Variants in FCHSD2 observed in about 807,000 individuals in gnomAD.
FCHSD2 encodes FCH and double SH3 domains 2.
Under a neutral mutation model 108.1 loss-of-function variants are expected in FCHSD2, and 38 were observed. The observed-to-expected ratio is 0.35, with a 90% CI of 0.27 to 0.46. FCHSD2 has a LOEUF of 0.46. Among genes scored for constraint, FCHSD2 ranks in the 20% least tolerant of loss-of-function variants. FCHSD2 has a pLI of 1.00. For missense variants in FCHSD2, 751 were observed against 897.8 expected, an observed-to-expected ratio of 0.84 and a Z score of 2.09; for synonymous variants, 279 against 314.7, an observed-to-expected ratio of 0.89 and a Z score of 1.20.
rs910623515 is a variant in FCHSD2 at position 73,142,010 on chromosome 11, G to T, written c.-133C>A. 3.5e-6 allele frequency: 3 copies of T among 851,438 alleles called. No individual in the cohort carries two copies. Among genetic ancestry groups the T allele is most frequent in the East Asian group, 2.9e-5 (1 of 35,046 alleles). The allele number at this position is 851,438 out of a possible 1,614,324, so 52.7% of individuals were successfully genotyped here. A position where few individuals can be genotyped will look rare whatever the true frequency, so the allele number is the denominator to read the frequency against. On this transcript the variant is annotated 5_prime_UTR_variant, in exon 1 of 20. Transcript: ENST00000409418. ...AAGGAGCGCTTAAGAAGCAAGACTT[G>T]CCCCGGAGGGAGCAGGCCAGCGGGC...
At position 72,863,517 on chromosome 11, in the gene FCHSD2, T is replaced by C. The variant is rs1016402924; in HGVS notation, c.1308+4348A>G. Among the ~76,000 whole-genome samples the C allele has an allele frequency of 5.9e-5, 9 of 152,140 alleles. No homozygotes were observed. In the East Asian group the frequency reaches 1.7e-3, roughly 29 times the overall value. On this transcript the variant is annotated intron_variant, in intron 13 of 19. Coordinates refer to ENST00000409418, the MANE Select transcript of FCHSD2 (RefSeq NM_014824.3). The stretch of plus-strand genomic sequence containing the variant: ...ATTGGTAGGTTGGACTTCATTAAAA[T>C]TAAAAATTTGTGCTCTTTGAAAGGT...
rs1279782518 is a variant in FCHSD2, at chr11:72,856,006, GGCT to G, written c.1309-6120_1309-6118del. Reference sequence around the variant, plus strand: ...GCCCGCTACACCCAAGCACTTATTTGGCTGCTTTTTCCCATATTCAAACATACA... The same window carrying G: ...GCCCGCTACACCCAAGCACTTATTTGGCTTTTTCCCATATTCAAACATACA... On this transcript the variant is annotated intron_variant, in intron 13 of 19. Coordinates refer to ENST00000409418, the MANE Select transcript of FCHSD2 (RefSeq NM_014824.3). Among the ~76,000 whole-genome samples, 4 of 152,090 alleles carry G rather than the reference GGCT, an allele frequency of 2.6e-5. No individual in the cohort carries two copies. The East Asian group carries it at 7.7e-4, about 29-fold the overall frequency.
chr11:73,096,987 A>ATTGTTTTTTTTTTTTTT (rs1860096583), intron 2 of FCHSD2, among the ~76,000 whole-genome samples: 3 of 27,046 alleles, frequency 1.1e-4, no homozygotes, highest in South Asian at 3.2e-3. Context: ...TCATTGATGG[A>ATTGTTTTTTTTTTTTTT]TTTTTTTTTT....
chr11:72,949,505 A>G (rs1253633009), intron 8 of FCHSD2, among the ~76,000 whole-genome samples: 3 of 152,058 alleles, frequency 2.0e-5, no homozygotes, highest in Non-Finnish European at 4.4e-5. Context: ...AAAGAAAAGA[A>G]AAGAAAACTT....
At position 73,067,312 on chromosome 11, in the gene FCHSD2, C is replaced by A. The variant is rs370271176; in HGVS notation, c.165+16383G>T. 2.6e-5 allele frequency among the ~76,000 whole-genome samples: 4 copies of A among 152,016 alleles called. No homozygotes were observed. In the East Asian group the frequency reaches 7.7e-4, roughly 29 times the overall value. ...CTCATGGACATAGGGAGGGGAATAT[C>A]ACACACCAGGGCCTGTTGGGGGTTG... On this transcript the variant is annotated intron_variant, in intron 3 of 19. Transcript: ENST00000409418.
chr11:73,046,075 C>CGA (rs1250462483), intron 3 of FCHSD2, among the ~76,000 whole-genome samples: 1 of 150,110 alleles, frequency 6.7e-6, no homozygotes, highest in Non-Finnish European at 1.5e-5. Flanking sequence ...ACTGCCACTT[C>CGA]GAATTACTGG....
intron 2 of FCHSD2, among the ~76,000 whole-genome samples, chr11:73,106,585 A>C (rs1324944133): frequency 2.0e-5 from 3 of 152,140 alleles, no homozygotes; most frequent in Non-Finnish European, 4.4e-5. Context: ...AGAATTTAAC[A>C]TTGTTGCAGG....
chr11:73,029,101 T>C (rs528451507), intron 3 of FCHSD2, among the ~76,000 whole-genome samples: 1 of 152,292 alleles, frequency 6.6e-6, no homozygotes, highest in South Asian at 2.1e-4. Flanking sequence ...ATAAATATAA[T>C]GGTGTAGTAC....
At chr11:72,905,188 C>T (rs796587139) in intron 9 of FCHSD2, among the ~76,000 whole-genome samples, 22 of 152,270 alleles carry the variant, frequency 1.4e-4, no homozygotes, top group African/African-American at 5.1e-4. Context: ...TAATTATTGT[C>T]GGCTTGTAGT....
At chr11:72,909,072 G>T (rs1055846396) in intron 9 of FCHSD2, among the ~76,000 whole-genome samples, 1 of 151,538 alleles carries the variant, frequency 6.6e-6, no homozygotes, top group Non-Finnish European at 1.5e-5. Context: ...CCATCTCTCC[G>T]GTCTCCCTCT....
intron 17 of FCHSD2, 86 bp from the exon 18 acceptor site, chr11:72,841,669 C>G: frequency 5.9e-6 from 8 of 1,345,930 alleles, no homozygotes; most frequent in Non-Finnish European, 7.9e-6. Context: ...GTACTCATGC[C>G]TTTTCTCTAA....
intron 19 of FCHSD2, among the ~76,000 whole-genome samples, chr11:72,840,250 A>AG (rs1299962065): frequency 6.6e-5 from 10 of 152,354 alleles, no homozygotes; most frequent in Non-Finnish European, 1.3e-4. Context: ...GTCCTTAAGA[A>AG]GGCACTCAAT....
intron 10 of FCHSD2, among the ~76,000 whole-genome samples, chr11:72,897,374 T>C (rs77230680): frequency 0.024 from 3,719 of 152,086 alleles, 149 homozygotes; most frequent in African/African-American, 0.086. Context: ...TACAGACTTT[T>C]TTTCTTTGTC....
chr11:73,110,110 G>A (rs935144910), intron 2 of FCHSD2, among the ~76,000 whole-genome samples: 3 of 150,976 alleles, frequency 2.0e-5, no homozygotes, highest in Non-Finnish European at 2.9e-5. Flanking sequence ...GAGGATTTTT[G>A]CATCAGTATT....
intron 4 of FCHSD2, among the ~76,000 whole-genome samples, chr11:73,010,894 G>A (rs1215135898): frequency 6.6e-6 from 1 of 152,146 alleles, no homozygotes; most frequent in Non-Finnish European, 1.5e-5. Flanking sequence ...TGGGCCTCTG[G>A]GCAGCTGGCA....
intron 4 of FCHSD2, among the ~76,000 whole-genome samples, chr11:73,003,086 G>T (rs1857659317): frequency 6.6e-6 from 1 of 152,166 alleles, no homozygotes; most frequent in Admixed American, 6.5e-5. Flanking sequence ...TTTAAAAAGA[G>T]ACCTTTAGAG....
chr11:72,955,436 T>A (rs1856694760), intron 8 of FCHSD2, among the ~76,000 whole-genome samples: 1 of 151,934 alleles, frequency 6.6e-6, no homozygotes, highest in Non-Finnish European at 1.5e-5. Context: ...CTGTCCTGGG[T>A]TTTTCATAGA....
chr11:72,885,929 T>C (rs534336500), intron 12 of FCHSD2, among the ~76,000 whole-genome samples: 22 of 152,314 alleles, frequency 1.4e-4, no homozygotes, highest in African/African-American at 5.3e-4. Context: ...GTGGGGTTAC[T>C]GGGGTTTCTC....
chr11:72,955,087 C>G (rs995530865), intron 8 of FCHSD2, among the ~76,000 whole-genome samples: 1 of 152,156 alleles, frequency 6.6e-6, no homozygotes, highest in Non-Finnish European at 1.5e-5. Context: ...ACACTCTCTT[C>G]CTGGAGAGCG....
Sources: allele counts gnomAD v4.1 joint callset (sites outside exome capture counted in the v4.1 genomes callset), GRCh38; gene constraint gnomAD v4.1.1; transcripts MANE v1.5; gene names NCBI Gene and HGNC (gene_info 2026-07-23, HGNC 2026-07-21).